Variants in HCRTR2 observed in about 807,000 individuals in gnomAD.
The protein encoded by HCRTR2 is orexin receptor type 2.
A neutral mutation model predicts 49.0 loss-of-function variants in HCRTR2; 22 were observed. The ratio of observed to expected loss-of-function variants is 0.45; its 90% CI spans 0.32 to 0.64. The LOEUF is 0.64. Among genes scored for constraint, HCRTR2 ranks in the 30% least tolerant of loss-of-function variants. The pLI is 0.04. For synonymous variants in HCRTR2, 236 were observed against 205.3 expected (o/e 1.15, Z -1.28); for missense variants, 491 against 559.4 (o/e 0.88, Z 1.23).
chr6:55,130,571 T>G (rs1372291032), intron 1 of HCRTR2, among the ~76,000 whole-genome samples: 1 of 151,898 alleles, frequency 6.6e-6, no homozygotes, highest in African/African-American at 2.4e-5. Flanking sequence ...AAAATGATAC[T>G]TTGAAAGTTA....
chr6:55,201,972 C>G (rs976536401), intron 1 of HCRTR2, among the ~76,000 whole-genome samples: 1 of 151,934 alleles, frequency 6.6e-6, no homozygotes, highest in Non-Finnish European at 1.5e-5. Context: ...ATTCAAGAAG[C>G]AACTTTAAGA....
intron 1 of HCRTR2, among the ~76,000 whole-genome samples, chr6:55,124,212 G>T (rs1764242562): frequency 1.3e-5 from 2 of 152,074 alleles, no homozygotes; most frequent in Admixed American, 1.3e-4. Flanking sequence ...GTGTCAGAGT[G>T]TTGATTTTAG....
At chr6:55,275,075 A>G (rs1767052689) in intron 4 of HCRTR2, among the ~76,000 whole-genome samples, 1 of 152,064 alleles carries the variant, frequency 6.6e-6, no homozygotes, top group African/African-American at 2.4e-5. Context: ...TTTATTCATA[A>G]TGTTTTTAAT....
At chr6:55,230,008 G>A (rs1766084120) in intron 1 of HCRTR2, among the ~76,000 whole-genome samples, 1 of 152,140 alleles carries the variant, frequency 6.6e-6, no homozygotes, top group African/African-American at 2.4e-5. Flanking sequence ...CCAGAGTCGT[G>A]AGGGAAGTAA....
At chr6:55,129,261 T>C (rs1764322485) in intron 1 of HCRTR2, among the ~76,000 whole-genome samples, 1 of 152,124 alleles carries the variant, frequency 6.6e-6, no homozygotes, top group African/African-American at 2.4e-5. Context: ...TGACTAATCA[T>C]ATCCCCTTGT....
chr6:55,176,474 C>G (rs1232749737), intron 1 of HCRTR2, among the ~76,000 whole-genome samples: 2 of 152,112 alleles, frequency 1.3e-5, no homozygotes, highest in Non-Finnish European at 2.9e-5. Flanking sequence ...ACATGGCTAC[C>G]AGCATAGCAA....
intron 1 of HCRTR2, among the ~76,000 whole-genome samples, chr6:55,197,711 T>G (rs2127282159): frequency 6.6e-6 from 1 of 152,252 alleles, no homozygotes; most frequent in East Asian, 1.9e-4. Flanking sequence ...AAGCTCTGCC[T>G]CTCAGGTTCA....
At chr6:55,214,336 A>G (rs1765749026) in intron 1 of HCRTR2, among the ~76,000 whole-genome samples, 1 of 151,982 alleles carries the variant, frequency 6.6e-6, no homozygotes, top group African/African-American at 2.4e-5. Context: ...TTTGTTTTAC[A>G]TTTTTATTTT....
At chr6:55,204,547 C>T (rs1057279537) in intron 1 of HCRTR2, among the ~76,000 whole-genome samples, 3 of 152,016 alleles carry the variant, frequency 2.0e-5, no homozygotes, top group Non-Finnish European at 4.4e-5. Context: ...TAGGACAGAG[C>T]CTGATAGCTT....
intron 1 of HCRTR2, among the ~76,000 whole-genome samples, chr6:55,246,900 A>C (rs894065533): frequency 3.9e-5 from 6 of 152,102 alleles, no homozygotes; most frequent in Admixed American, 3.9e-4. Flanking sequence ...ACTATTGTCT[A>C]GATTGTCTAG....
At chr6:55,152,319 G>A (rs1764674602) in intron 1 of HCRTR2, among the ~76,000 whole-genome samples, 1 of 151,648 alleles carries the variant, frequency 6.6e-6, no homozygotes, top group Non-Finnish European at 1.5e-5. Context: ...GCATTCCCTT[G>A]GTGATTAGAA....
chr6:55,205,216 T>G (rs1234297276), intron 1 of HCRTR2, among the ~76,000 whole-genome samples: 1 of 152,222 alleles, frequency 6.6e-6, no homozygotes, highest in Non-Finnish European at 1.5e-5. Context: ...GAGCACATAC[T>G]TGGTATCTAA....
chr6:55,225,725 A>G (rs907230286), intron 1 of HCRTR2, among the ~76,000 whole-genome samples: 1 of 152,222 alleles, frequency 6.6e-6, no homozygotes, highest in African/African-American at 2.4e-5. Flanking sequence ...ACTAATAGTC[A>G]ATGTATTTTT....
Position 55,248,680 on chromosome 6 carries a change from A to AGT in HCRTR2, c.265_266insGT (p.Thr89SerfsTer6). The AGT allele has an allele frequency of 6.2e-7, 1 of 1,613,510 alleles. No individual in the cohort carries two copies. The highest frequency in any genetic ancestry group is 8.5e-7 in the Non-Finnish European group (1 of 1,179,562). ...GAAGAACCACCACATGAGGACGGTAACCAACTACTTCATAGTCAATCTTTC... is the reference window on the plus strand; with the variant it reads ...GAAGAACCACCACATGAGGACGGTAAGTCCAACTACTTCATAGTCAATCTTTC... On this transcript the variant is annotated frameshift_variant, in exon 2 of 7. Coordinates refer to ENST00000370862, the MANE Select transcript of HCRTR2 (RefSeq NM_001384272.1). LOFTEE classifies it high-confidence loss of function.
intron 1 of HCRTR2, among the ~76,000 whole-genome samples, chr6:55,198,245 T>C (rs1296478619): frequency 6.6e-6 from 1 of 152,156 alleles, no homozygotes; most frequent in Non-Finnish European, 1.5e-5. Flanking sequence ...TTAATGCTAA[T>C]CATTAAGTCT....
At chr6:55,173,292 A>T (rs984641881), upstream of HCRTR2, among the ~76,000 whole-genome samples, 1 of 152,178 alleles carries the variant, frequency 6.6e-6, no homozygotes, top group Non-Finnish European at 1.5e-5. Flanking sequence ...TCCCATAAGG[A>T]TGGAAGTAGT....
upstream of HCRTR2, among the ~76,000 whole-genome samples, chr6:55,172,728 G>T (rs1341792959): frequency 1.3e-5 from 2 of 151,928 alleles, no homozygotes; most frequent in Non-Finnish European, 2.9e-5. Flanking sequence ...TATTAAAGGG[G>T]GTTAGTAATA....
intron 1 of HCRTR2, among the ~76,000 whole-genome samples, chr6:55,148,724 T>C (rs1057126002): frequency 6.6e-6 from 1 of 152,140 alleles, no homozygotes; most frequent in Non-Finnish European, 1.5e-5. Flanking sequence ...AAGGCTGAGA[T>C]TGTGAACATC....
At chr6:55,114,880 A>T (rs1764095059) in intron 1 of HCRTR2, among the ~76,000 whole-genome samples, 1 of 151,784 alleles carries the variant, frequency 6.6e-6, no homozygotes, top group African/African-American at 2.4e-5. Flanking sequence ...GCAGCACTCA[A>T]GTCTAAGTTT....
Sources: allele counts gnomAD v4.1 joint callset (sites outside exome capture counted in the v4.1 genomes callset), GRCh38; gene constraint gnomAD v4.1.1; transcripts MANE v1.5; gene names NCBI Gene and HGNC (gene_info 2026-07-23, HGNC 2026-07-21).